HSF5: variants seen among roughly 807,000 people sequenced by gnomAD.
HSF5 encodes the protein heat shock transcription factor 5.
Under a neutral mutation model 50.8 loss-of-function variants are expected in HSF5, and 5 were observed. The ratio of observed to expected loss-of-function variants is 0.10; its 90% CI spans 0.05 to 0.21. The LOEUF (loss-of-function observed/expected upper bound fraction) is 0.21. Ranked by LOEUF, HSF5 falls within the 10% of genes least tolerant of loss-of-function variation. HSF5 has a pLI of 1.00. For synonymous variants in HSF5, 307 were observed against 307.4 expected (o/e 1.00, Z 0.02); for missense variants, 564 against 762.6 (o/e 0.74, Z 3.07).
intron 2 of HSF5, among the ~76,000 whole-genome samples, chr17:58,478,235 C>T (rs991239208): frequency 3.3e-5 from 5 of 149,490 alleles, no homozygotes; most frequent in Admixed American, 6.7e-5. Flanking sequence ...AGTTTGAGAC[C>T]AGCTTGGCCA....
intron 5 of HSF5, among the ~76,000 whole-genome samples, chr17:58,441,909 A>AT (rs1974502879): frequency 6.6e-6 from 1 of 152,220 alleles, no homozygotes; most frequent in African/African-American, 2.4e-5. Flanking sequence ...CTTGTTACAT[A>AT]TCCTATTCTA....
intron 1 of HSF5, among the ~76,000 whole-genome samples, chr17:58,482,599 A>G (rs765847263): frequency 2.0e-5 from 3 of 150,484 alleles, no homozygotes; most frequent in Non-Finnish European, 4.4e-5. Context: ...AGTCCTAGCT[A>G]CTCAGGAGGC....
At chr17:58,466,743 T>G in intron 3 of HSF5, 142 bp downstream of exon 3, 1 of 632,940 alleles carries the variant, frequency 1.6e-6, no homozygotes, top group Non-Finnish European at 2.8e-6. Context: ...CTTTTTTTTT[T>G]TAAGAATTGA....
rs181091419 is a variant in HSF5 at position 58,460,994 on chromosome 17, G to A, written c.1542+1788C>T. 6.6e-4 allele frequency among the ~76,000 whole-genome samples: 100 copies of A among 151,532 alleles called. 1 individual carries two copies. The highest frequency in any genetic ancestry group is 2.4e-3 in the African/African-American group (99 of 41,320). Reference sequence around the variant, plus strand: ...AGCACTTTGGGAGGCCGAGGTGGGCGGATCACCTTAGGTCAGGAGTTCAAC... The same window carrying A: ...AGCACTTTGGGAGGCCGAGGTGGGCAGATCACCTTAGGTCAGGAGTTCAAC... On this transcript the variant is annotated intron_variant, in intron 4 of 5. Coordinates refer to ENST00000323777, the MANE Select transcript of HSF5 (RefSeq NM_001080439.3).
Position 58,487,754 on chromosome 17 carries a change from G to T in HSF5, c.521C>A (p.Pro174Gln). Reference protein sequence around the residue: ...TAPLQHQQPPPPAGPRPEPHG... With the variant: ...TAPLQHQQPPQPAGPRPEPHG... Reference sequence around the variant, plus strand: ...CGGCTCGGGCCGGGGCCCCGCGGGCGGCGGCGGCTGCTGGTGCTGCAGTGG... The same window carrying T: ...CGGCTCGGGCCGGGGCCCCGCGGGCTGCGGCGGCTGCTGGTGCTGCAGTGG... Residue 174 changes from proline (P) to glutamine (Q), a missense_variant, in exon 1 of 6, where the codon CCG becomes CAG. By Grantham distance (76) the Pro-to-Gln change is moderately conservative. Around this residue, in one of 5 missense-constraint regions of HSF5, gnomAD observed 441 missense variants for 533.6 expected, o/e 0.83. Coordinates refer to ENST00000323777, the MANE Select transcript of HSF5 (RefSeq NM_001080439.3). 7.2e-7 allele frequency: 1 copy of T among 1,383,264 alleles called. No homozygotes were observed. Among genetic ancestry groups the T allele is most frequent in the Non-Finnish European group, 9.3e-7 (1 of 1,080,968 alleles). 85.7% of individuals were successfully genotyped at this position (1,383,264 alleles called of 1,614,324 possible).
intron 5 of HSF5, among the ~76,000 whole-genome samples, chr17:58,442,704 A>G (rs961150045): frequency 2.6e-5 from 4 of 152,176 alleles, no homozygotes; most frequent in African/African-American, 9.7e-5. Context: ...TAAGTGGAAG[A>G]GATGGGCTAG....
intron 5 of HSF5, among the ~76,000 whole-genome samples, chr17:58,422,895 C>T (rs1974245493): frequency 6.6e-6 from 1 of 152,062 alleles, no homozygotes; most frequent in African/African-American, 2.4e-5. Context: ...GGGGTTTCAG[C>T]ATGTTGGCCA....
chr17:58,477,740 A>C (rs1379452438), intron 2 of HSF5, among the ~76,000 whole-genome samples: 1 of 151,932 alleles, frequency 6.6e-6, no homozygotes, highest in African/African-American at 2.4e-5. Flanking sequence ...GATTATAGGC[A>C]TGAGCCACCG....
chr17:58,424,281 G>C (rs1974263310), intron 5 of HSF5, among the ~76,000 whole-genome samples: 1 of 152,098 alleles, frequency 6.6e-6, no homozygotes, highest in African/African-American at 2.4e-5. Context: ...ACAAAATGTG[G>C]TATACACATA....
At chr17:58,443,234 T>C (rs62082141) in intron 5 of HSF5, among the ~76,000 whole-genome samples, 9,599 of 152,230 alleles carry the variant, frequency 0.063, 411 homozygotes, top group Non-Finnish European at 0.096. Flanking sequence ...GGTCTCGAAC[T>C]CCTGACCCTG....
At chr17:58,434,088 T>A (rs534394372) in intron 5 of HSF5, among the ~76,000 whole-genome samples, 1 of 151,794 alleles carries the variant, frequency 6.6e-6, no homozygotes, top group African/African-American at 2.4e-5. Flanking sequence ...TAATTTTGTA[T>A]TTTTAGTAGA....
At chr17:58,471,970 C>T (rs1232504810) in intron 2 of HSF5, among the ~76,000 whole-genome samples, 1 of 152,022 alleles carries the variant, frequency 6.6e-6, no homozygotes, top group Non-Finnish European at 1.5e-5. Flanking sequence ...TGTCCTGCCT[C>T]AGCCTCCCAA....
At chr17:58,451,466 T>A (rs543422391) in intron 5 of HSF5, among the ~76,000 whole-genome samples, 5 of 152,302 alleles carry the variant, frequency 3.3e-5, no homozygotes, top group African/African-American at 7.2e-5. Flanking sequence ...CAATTTTTTT[T>A]AAAACTGAAA....
chr17:58,472,065 C>T (rs1385190171), intron 2 of HSF5, among the ~76,000 whole-genome samples: 2 of 152,244 alleles, frequency 1.3e-5, no homozygotes, highest in East Asian at 3.9e-4. Flanking sequence ...CCATGTTGGC[C>T]AGGCTGGTCT....
intron 5 of HSF5, among the ~76,000 whole-genome samples, chr17:58,433,863 A>G (rs1287585892): frequency 6.6e-6 from 1 of 151,350 alleles, no homozygotes; most frequent in African/African-American, 2.4e-5. Context: ...GGAAAGCAGA[A>G]AAAGTAGAGG....
intron 5 of HSF5, among the ~76,000 whole-genome samples, chr17:58,450,528 T>C (rs1471664467): frequency 6.9e-6 from 1 of 144,916 alleles, no homozygotes; most frequent in Admixed American, 6.8e-5. Flanking sequence ...CTGAGGCAGG[T>C]GGATCACCTG....
At chr17:58,459,595 C>T (rs1173911553) in intron 4 of HSF5, among the ~76,000 whole-genome samples, 3 of 147,936 alleles carry the variant, frequency 2.0e-5, no homozygotes, top group Non-Finnish European at 4.4e-5. Context: ...TGCAGTGAGC[C>T]GAGATTGTAC....
intron 1 of HSF5, among the ~76,000 whole-genome samples, chr17:58,484,605 C>A (rs1405771233): frequency 6.6e-6 from 1 of 151,924 alleles, no homozygotes; most frequent in Admixed American, 6.6e-5. Flanking sequence ...AAAAAAAAAT[C>A]CATGTCAGAG....
At chr17:58,477,511 G>C (rs1286594728) in intron 2 of HSF5, among the ~76,000 whole-genome samples, 1 of 148,442 alleles carries the variant, frequency 6.7e-6, no homozygotes, top group Non-Finnish European at 1.5e-5. Context: ...CCAGGCTGGA[G>C]TGCAGTGGCG....
Sources: gnomAD v4.1 joint callset for allele counts (sites outside exome capture counted in the v4.1 genomes callset) on GRCh38, gnomAD v4.1.1 for gene constraint, gnomAD v4.1.1 regional missense constraint, MANE v1.5 for transcripts, NCBI Gene and HGNC (gene_info 2026-07-23, HGNC 2026-07-21) for gene names.